The following GGACT variants were observed in gnomAD, a reference collection of about 807,000 sequenced individuals.
GGACT encodes gamma-glutamylamine cyclotransferase.
For missense variants in GGACT, 241 were observed against 233.2 expected, an observed-to-expected ratio of 1.03 and a Z score of -0.22; for synonymous variants, 118 against 115.3, an observed-to-expected ratio of 1.02 and a Z score of -0.15.
chr13:100,536,056 C>A (rs946430654), intron 2 of GGACT: 1 of 152,160 alleles, frequency 6.6e-6, no homozygotes, highest in Admixed American at 6.5e-5. Flanking sequence ...GTAGAGGATT[C>A]TAGAAATCAT....
Position 100,532,525 on chromosome 13 carries a change from C to T in GGACT, c.67G>A (p.Gly23Ser), listed in dbSNP as rs1215101298. The change falls in exon 3 of 3, where the codon GGC becomes AGC. Residue 23 changes from glycine (G) to serine (S), a missense_variant. Physicochemically the swap from Gly to Ser is moderately conservative, Grantham distance 56. Coordinates refer to ENST00000683975, the MANE Select transcript of GGACT (RefSeq NM_001195087.2). ...GQPNHRVLRD[G>S]AHGSAAFRAR... ...CGAAAGGCTGCGGAGCCGTGGGCGC[C>T]GTCCCGCAGGACCCTGTGGTTGGGC... The T allele has an allele frequency of 1.0e-5, 16 of 1,548,218 alleles. No individual in the cohort carries two copies. The highest frequency in any genetic ancestry group is 1.7e-4 in the Middle Eastern group (1 of 5,978).
intron 2 of GGACT, among the ~76,000 whole-genome samples, chr13:100,579,443 G>T (rs1000429288): frequency 6.6e-6 from 1 of 151,838 alleles, no homozygotes; most frequent in Non-Finnish European, 1.5e-5. Flanking sequence ...CTTCCCCAGT[G>T]CAGGTGACAG....
chr13:100,531,738 G>GAATC lies in GGACT; in HGVS notation c.*388_*391dup, dbSNP rs962947196. 3.9e-5 allele frequency: 7 copies of GAATC among 177,372 alleles called. No homozygotes were observed. Among genetic ancestry groups the GAATC allele is most frequent in the African/African-American group, 1.6e-4 (7 of 42,616 alleles). 11.0% of individuals were successfully genotyped at this position (177,372 alleles called of 1,614,324 possible). A position where few individuals can be genotyped will look rare whatever the true frequency, so the allele number is the denominator to read the frequency against. ...CGGCTTTCTCAGGGGTTACAGGCCA[G>GAATC]AATCAGTATAGTAGGGCTGCTAAAA... On this transcript the variant is annotated 3_prime_UTR_variant, in exon 3 of 3. Transcript: ENST00000683975.
At chr13:100,560,228 A>G (rs2088747431) in intron 2 of GGACT, among the ~76,000 whole-genome samples, 1 of 152,184 alleles carries the variant, frequency 6.6e-6, no homozygotes, top group Non-Finnish European at 1.5e-5. Context: ...AAAAAAACGC[A>G]CTGAACTTTA....
chr13:100,537,747 G>C lies in GGACT; in HGVS notation c.-10-5146C>G, dbSNP rs370678955. 1.7e-4 allele frequency: 26 copies of C among 152,486 alleles called. 1 individual carries two copies. In the East Asian group the frequency reaches 1.9e-3, roughly 11 times the overall value. 9.4% of individuals were successfully genotyped at this position (152,486 alleles called of 1,614,324 possible). A position where few individuals can be genotyped will look rare whatever the true frequency, so the allele number is the denominator to read the frequency against. ...ACTCGGGCAGGGAGACTGCCGCCAG[G>C]CTGAGAACTTGCAAAATGGAAAGAA... On this transcript the variant is annotated intron_variant, in intron 2 of 2. Transcript: ENST00000683975.
At chr13:100,583,640 C>T (rs1241893533) in intron 2 of GGACT, among the ~76,000 whole-genome samples, 185 bp downstream of exon 2, 1 of 152,148 alleles carries the variant, frequency 6.6e-6, no homozygotes, top group Non-Finnish European at 1.5e-5. Flanking sequence ...AAACAATCCT[C>T]CTGCCTCAGC....
At chr13:100,562,963 C>A (rs1009204945) in intron 2 of GGACT, among the ~76,000 whole-genome samples, 1 of 152,064 alleles carries the variant, frequency 6.6e-6, no homozygotes, top group Non-Finnish European at 1.5e-5. Context: ...CAAGTCAAAG[C>A]GTTACTTGCC....
chr13:100,543,970 G>A (rs780276526), intron 2 of GGACT, among the ~76,000 whole-genome samples: 1 of 152,176 alleles, frequency 6.6e-6, no homozygotes, highest in Non-Finnish European at 1.5e-5. Context: ...TGGTTTCAAG[G>A]ACACCAACTG....
intron 2 of GGACT, among the ~76,000 whole-genome samples, chr13:100,548,785 C>T (rs1194134204): frequency 6.6e-6 from 1 of 152,238 alleles, no homozygotes; most frequent in African/African-American, 2.4e-5. Context: ...GGGAAGAGGC[C>T]TTCCTGGCCC....
chr13:100,538,682 C>T (rs924816346), intron 2 of GGACT: 2 of 152,200 alleles, frequency 1.3e-5, no homozygotes, highest in Admixed American at 6.5e-5. Context: ...AAGTATGAGA[C>T]CTCCAACATT....
intron 2 of GGACT, among the ~76,000 whole-genome samples, chr13:100,543,613 G>A (rs900676557): frequency 2.4e-4 from 36 of 152,294 alleles, no homozygotes; most frequent in African/African-American, 8.4e-4. Context: ...AAATCTGTAT[G>A]TCATCATGTC....
intron 1 of GGACT, among the ~76,000 whole-genome samples, chr13:100,584,542 G>A (rs981843315): frequency 5.3e-5 from 8 of 152,034 alleles, no homozygotes; most frequent in African/African-American, 1.9e-4. Flanking sequence ...ACAGAAAGCA[G>A]GAATAAGATC....
intron 2 of GGACT, among the ~76,000 whole-genome samples, chr13:100,558,757 C>A (rs1359853417): frequency 6.6e-6 from 1 of 152,092 alleles, no homozygotes; most frequent in Admixed American, 6.6e-5. Context: ...ACTGCATGTT[C>A]CTGCTCACAT....
At chr13:100,577,454 A>AAATAAATAAAT (rs1566539342) in intron 2 of GGACT, among the ~76,000 whole-genome samples, 66 of 82,140 alleles carry the variant, frequency 8.0e-4, no homozygotes, top group African/African-American at 2.5e-3. Flanking sequence ...AATAAATAAA[A>AAATAAATAAAT]AGAAAAAGAA....
chr13:100,532,452 TC>T lies in GGACT; in HGVS notation c.139del (p.Glu47SerfsTer24). 1 of 1,549,474 alleles carries T rather than the reference TC, an allele frequency of 6.5e-7. No individual in the cohort carries two copies. Among genetic ancestry groups the T allele is most frequent in the Non-Finnish European group, 8.7e-7 (1 of 1,146,568 alleles). ...GTGCAGCAGCCACGGGATGTTGTGC[TC>T]CCCCGCGATCACCAACGGGTAGGGC... is the stretch of plus-strand genomic sequence containing the variant. ...LEPYPLVIAG[E>X]HNIPWLLHLP... On this transcript the variant is annotated frameshift_variant, in exon 3 of 3. Coordinates refer to ENST00000683975, the MANE Select transcript of GGACT (RefSeq NM_001195087.2). LOFTEE classifies it low-confidence loss of function (END_TRUNC).
rs572545002 is a variant in GGACT at position 100,572,204 on chromosome 13, C to T, written c.-11+11621G>A. ...ATACACACAATGGAATATTACAGAGCCTTGAAAAGACTGAAAGGAAGGAAA... is the reference window on the plus strand; with the variant it reads ...ATACACACAATGGAATATTACAGAGTCTTGAAAAGACTGAAAGGAAGGAAA... On this transcript the variant is annotated intron_variant, in intron 2 of 2. Coordinates refer to ENST00000683975, the MANE Select transcript of GGACT (RefSeq NM_001195087.2). Among the ~76,000 whole-genome samples, 61 of 152,102 alleles carry T rather than the reference C, an allele frequency of 4.0e-4. 1 individual carries two copies. Among genetic ancestry groups the T allele is most frequent in the Non-Finnish European group, 2.1e-4 (14 of 68,026 alleles).
At chr13:100,557,206 A>C (rs2153014802) in intron 2 of GGACT, among the ~76,000 whole-genome samples, 1 of 152,314 alleles carries the variant, frequency 6.6e-6, no homozygotes, top group South Asian at 2.1e-4. Flanking sequence ...TTTCTATTTC[A>C]ATACTTAACT....
chr13:100,555,127 A>G (rs1322082614), intron 2 of GGACT, among the ~76,000 whole-genome samples: 4 of 152,236 alleles, frequency 2.6e-5, no homozygotes, highest in African/African-American at 9.6e-5. Flanking sequence ...ATGTTTTCCA[A>G]TAAATACCAA....
At chr13:100,542,257 G>A (rs1296727063) in intron 2 of GGACT, among the ~76,000 whole-genome samples, 2 of 152,192 alleles carry the variant, frequency 1.3e-5, no homozygotes, top group Non-Finnish European at 2.9e-5. Flanking sequence ...CAGAGCAGCC[G>A]CTGACCCCCC....
Sources: allele counts gnomAD v4.1 joint callset (sites outside exome capture counted in the v4.1 genomes callset), GRCh38; gene constraint gnomAD v4.1.1; transcripts MANE v1.5; gene names NCBI Gene and HGNC (gene_info 2026-07-23, HGNC 2026-07-21).